LINGO2: variants seen among roughly 807,000 people sequenced by gnomAD.
LINGO2 encodes the protein leucine-rich repeat and immunoglobulin-like domain-containing nogo receptor-interacting protein 2.
In LINGO2, 14 loss-of-function variants were observed where a neutral mutation model predicts 30.6. The observed-to-expected ratio is 0.46, with a 90% CI of 0.30 to 0.72. The LOEUF (loss-of-function observed/expected upper bound fraction) is 0.72, where lower values mean the gene tolerates loss of function less well. LINGO2 is among the 30% of genes least tolerant of loss of function. LINGO2 has a pLI of 0.07. For synonymous variants in LINGO2, 317 were observed against 288.5 expected, an observed-to-expected ratio of 1.10 and a Z score of -1.00; for missense variants, 729 against 751.7, an observed-to-expected ratio of 0.97 and a Z score of 0.35.
intron 1 of LINGO2, among the ~76,000 whole-genome samples, chr9:28,605,034 G>A (rs1825642014): frequency 6.6e-6 from 1 of 151,958 alleles, no homozygotes; most frequent in South Asian, 2.1e-4. Context: ...TAAATCTGAA[G>A]CCAAGTTCTT....
chr9:28,831,477 G>A, the LINGO2 span, among the ~76,000 whole-genome samples: 2 of 152,050 alleles, frequency 1.3e-5, no homozygotes, highest in African/African-American at 4.8e-5. Context: ...AGTAATTGAG[G>A]AGTGAGTGAG....
At chr9:29,033,047 C>T in the LINGO2 span, among the ~76,000 whole-genome samples, 10 of 152,060 alleles carry the variant, frequency 6.6e-5, no homozygotes, top group African/African-American at 1.9e-4. Flanking sequence ...TACTTTAATG[C>T]TTTATTCACA....
chr9:28,983,690 G>A, the LINGO2 span, among the ~76,000 whole-genome samples: 1 of 151,876 alleles, frequency 6.6e-6, no homozygotes, highest in East Asian at 1.9e-4. Context: ...CCATTTGATA[G>A]GGAGGGTAAC....
chr9:28,672,299 T>C (rs992221612), upstream of LINGO2, among the ~76,000 whole-genome samples: 1 of 152,212 alleles, frequency 6.6e-6, no homozygotes, highest in Non-Finnish European at 1.5e-5. Context: ...TTCCTGAGAA[T>C]GCTTCAACTT....
Position 28,068,880 on chromosome 9 carries a change from G to C in LINGO2, c.-86-56475C>G, listed in dbSNP as rs150505671. 2.0e-4 allele frequency among the ~76,000 whole-genome samples: 30 copies of C among 152,212 alleles called. No individual in the cohort carries two copies. The East Asian group carries it at 5.2e-3, about 27-fold the overall frequency. On this transcript the variant is annotated intron_variant, in intron 4 of 5. Transcript: ENST00000379992. ...TTCATTCATGCAAAATTTTGACAGA[G>C]AGTATACCATGTGCTTACTATAATC...
intron 1 of LINGO2, among the ~76,000 whole-genome samples, chr9:28,624,229 A>G (rs1826545887): frequency 6.6e-6 from 1 of 152,030 alleles, no homozygotes; most frequent in African/African-American, 2.4e-5. Context: ...CAGTAGTGAA[A>G]TGGGTATCCT....
chr9:28,632,526 T>G (rs935235793), intron 1 of LINGO2, among the ~76,000 whole-genome samples: 4 of 149,110 alleles, frequency 2.7e-5, no homozygotes, highest in African/African-American at 9.8e-5. Context: ...TCTCTCGATA[T>G]ATAATATATA....
the LINGO2 span, among the ~76,000 whole-genome samples, chr9:29,102,925 C>T: frequency 6.6e-5 from 10 of 152,072 alleles, no homozygotes. Context: ...CAAAAACCAA[C>T]ATGTATTATA....
At chr9:28,983,436 G>A in the LINGO2 span, among the ~76,000 whole-genome samples, 22 of 151,266 alleles carry the variant, frequency 1.5e-4, no homozygotes, top group Non-Finnish European at 2.7e-4. Context: ...CTAATACAAA[G>A]TGAGTAGCAA....
rs1454439594 is a variant in LINGO2 at position 28,224,306 on chromosome 9, T to C, written c.-87+70902A>G. The stretch of plus-strand genomic sequence containing the variant: ...GTCTCGATCTCCTGACCTCGTGATT[T>C]GCCCGCCTCGGCCTCCCAAAGTGCC... On this transcript the variant is annotated intron_variant, in intron 4 of 5. Transcript: ENST00000379992. 5.9e-5 allele frequency among the ~76,000 whole-genome samples: 9 copies of C among 152,292 alleles called. No homozygotes were observed. In the South Asian group the frequency reaches 1.2e-3, roughly 21 times the overall value.
At chr9:28,008,625 A>G (rs1373293932) in intron 5 of LINGO2, among the ~76,000 whole-genome samples, 1 of 152,172 alleles carries the variant, frequency 6.6e-6, no homozygotes, top group Non-Finnish European at 1.5e-5. Flanking sequence ...ATATAAATAC[A>G]TAAATACTGA....
chr9:28,670,308 A>G (rs570829718), upstream of LINGO2: 6 of 152,218 alleles, frequency 3.9e-5, no homozygotes, highest in East Asian at 9.7e-4. Flanking sequence ...GTGAAAGAGA[A>G]TATTCAGAGC....
chr9:28,984,700 T>A, the LINGO2 span, among the ~76,000 whole-genome samples: 83 of 152,188 alleles, frequency 5.5e-4, no homozygotes, highest in South Asian at 6.6e-3. Context: ...TAATACAAAG[T>A]TGACTCGTAT....
At chr9:28,119,898 T>C (rs1049747827) in intron 4 of LINGO2, among the ~76,000 whole-genome samples, 3 of 152,168 alleles carry the variant, frequency 2.0e-5, no homozygotes, top group African/African-American at 7.2e-5. Flanking sequence ...TTTGAAATAA[T>C]CCCACTATAA....
chr9:28,139,691 T>G (rs1827620460), intron 4 of LINGO2, among the ~76,000 whole-genome samples: 1 of 152,134 alleles, frequency 6.6e-6, no homozygotes, highest in Admixed American at 6.5e-5. Context: ...AAATTGCTTA[T>G]GAAATACGTT....
At chr9:28,180,583 C>T (rs1828883966) in intron 4 of LINGO2, among the ~76,000 whole-genome samples, 1 of 152,144 alleles carries the variant, frequency 6.6e-6, no homozygotes, top group African/African-American at 2.4e-5. Flanking sequence ...GTTTCATCTT[C>T]ACTTTATCCT....
chr9:28,949,357 A>T, the LINGO2 span, among the ~76,000 whole-genome samples: 1 of 151,912 alleles, frequency 6.6e-6, no homozygotes, highest in East Asian at 1.9e-4. Context: ...GATAGAACAT[A>T]TGTAGCCAGA....
chr9:28,713,452 T>G, the LINGO2 span, among the ~76,000 whole-genome samples: 1 of 152,138 alleles, frequency 6.6e-6, no homozygotes, highest in Non-Finnish European at 1.5e-5. Context: ...ATCATATGAC[T>G]ATGCTAGCCA....
At chr9:28,801,793 G>A in the LINGO2 span, among the ~76,000 whole-genome samples, 1 of 152,078 alleles carries the variant, frequency 6.6e-6, no homozygotes, top group African/African-American at 2.4e-5. Flanking sequence ...GTTTTAGGGA[G>A]CTACACACTT....
Sources: allele counts gnomAD v4.1 joint callset (sites outside exome capture counted in the v4.1 genomes callset), GRCh38; gene constraint gnomAD v4.1.1; transcripts MANE v1.5; gene names NCBI Gene and HGNC (gene_info 2026-07-23, HGNC 2026-07-21).